The following ATP7B variants were observed in gnomAD, a reference collection of about 807,000 sequenced individuals.
ATP7B encodes copper-transporting ATPase 2.
ATP7B carries 113 observed loss-of-function variants against 118.9 expected under a neutral mutation model. The observed-to-expected ratio is 0.95, with a 90% CI of 0.82 to 1.11. ATP7B has a LOEUF of 1.11. Among genes scored for constraint, ATP7B ranks in the 50% most tolerant of loss-of-function variants. The pLI is 0.00. For synonymous variants in ATP7B, 777 were observed against 727.4 expected, an observed-to-expected ratio of 1.07 and a Z score of -1.10; for missense variants, 1,867 against 1,871.4, an observed-to-expected ratio of 1.00 and a Z score of 0.04.
intron 8 of ATP7B, chr13:51,957,899 C>A: frequency 2.1e-6 from 1 of 483,198 alleles, no homozygotes. Flanking sequence ...AATCTAATTT[C>A]TTTTAGGGCC....
intron 6 of ATP7B, among the ~76,000 whole-genome samples, chr13:51,961,543 A>T (rs1464303258): frequency 6.6e-6 from 1 of 152,208 alleles, no homozygotes; most frequent in Non-Finnish European, 1.5e-5. Context: ...GCTAAATTGA[A>T]ATTCCTTAAA....
At chr13:52,007,481 T>A (rs141412903) in intron 1 of ATP7B, among the ~76,000 whole-genome samples, 1 of 152,248 alleles carries the variant, frequency 6.6e-6, no homozygotes, top group Admixed American at 6.5e-5. Flanking sequence ...GGCTTTCCTA[T>A]TGTTCCCCAA....
intron 20 of ATP7B, among the ~76,000 whole-genome samples, chr13:51,935,342 G>A (rs932566401): frequency 6.6e-6 from 1 of 152,196 alleles, no homozygotes; most frequent in African/African-American, 2.4e-5. Flanking sequence ...ATGTCTGCTT[G>A]ATGTTCACAT....
intron 1 of ATP7B, among the ~76,000 whole-genome samples, chr13:51,998,598 C>G (rs1953333543): frequency 6.6e-6 from 1 of 152,202 alleles, no homozygotes. Flanking sequence ...TTTCCTTGCA[C>G]TAGATTATTC....
chr13:51,995,402 G>C lies in ATP7B; in HGVS notation c.51+15885C>G, dbSNP rs1953155279. On this transcript the variant is annotated intron_variant, in intron 1 of 20. Coordinates refer to ENST00000242839, the MANE Select transcript of ATP7B (RefSeq NM_000053.4). ...CGGTGGAGTGCCTTCCTCCACAGTAGACACTGGCCTGGCTGAATGCCTAAC... is the reference window on the plus strand; with the variant it reads ...CGGTGGAGTGCCTTCCTCCACAGTACACACTGGCCTGGCTGAATGCCTAAC... 3.2e-6 allele frequency: 3 copies of C among 929,612 alleles called. No homozygotes were observed. In the African/African-American group the frequency reaches 5.4e-5, roughly 17 times the overall value. 57.6% of individuals were successfully genotyped at this position (929,612 alleles called of 1,614,324 possible).
At chr13:51,993,226 T>G (rs1367508032) in intron 1 of ATP7B, among the ~76,000 whole-genome samples, 1 of 152,100 alleles carries the variant, frequency 6.6e-6, no homozygotes, top group Non-Finnish European at 1.5e-5. Flanking sequence ...CCATCGTAAA[T>G]TTGTTTTTTA....
chr13:51,935,167 C>T, intron 20 of ATP7B, 138 bp from the exon 21 acceptor site: 1 of 1,248,406 alleles, frequency 8.0e-7, no homozygotes, highest in Non-Finnish European at 1.1e-6. Flanking sequence ...AGGAAAAGGA[C>T]ATTAAACTCC....
intron 9 of ATP7B, among the ~76,000 whole-genome samples, chr13:51,954,738 TGAA>T (rs1463897795): frequency 6.6e-6 from 1 of 151,786 alleles, no homozygotes; most frequent in Non-Finnish European, 1.5e-5. Context: ...TGGGGGAAGG[TGAA>T]GAAGAATACA....
rs548457296 is a variant in ATP7B at position 51,988,962 on chromosome 13, G to A, written c.52-13794C>T. Reference sequence around the variant, plus strand: ...AGGAGAAATACCTAATGTAGATGACGGTTTGATGGGTGCAGCAAACCACCA... The same window carrying A: ...AGGAGAAATACCTAATGTAGATGACAGTTTGATGGGTGCAGCAAACCACCA... On this transcript the variant is annotated intron_variant, in intron 1 of 20. Coordinates refer to ENST00000242839, the MANE Select transcript of ATP7B (RefSeq NM_000053.4). Among the ~76,000 whole-genome samples the A allele has an allele frequency of 5.9e-5, 9 of 151,968 alleles. 1 individual carries two copies. In the East Asian group the frequency reaches 7.7e-4, roughly 13 times the overall value.
rs73498189 is a variant in ATP7B, at chr13:51,981,260, G to A, written c.52-6092C>T. On this transcript the variant is annotated intron_variant, in intron 1 of 20. Coordinates refer to ENST00000242839, the MANE Select transcript of ATP7B (RefSeq NM_000053.4). ...GGAAGAGACTACAATGCAGAAAAGTGAAATGAAAATAAACAGCCATACCTG... is the reference window on the plus strand; with the variant it reads ...GGAAGAGACTACAATGCAGAAAAGTAAAATGAAAATAAACAGCCATACCTG... 2.8e-3 allele frequency among the ~76,000 whole-genome samples: 430 copies of A among 152,256 alleles called. 1 individual carries two copies. The highest frequency in any genetic ancestry group is 9.3e-3 in the African/African-American group (387 of 41,542).
chr13:51,999,576 A>T (rs1303268615), intron 1 of ATP7B, among the ~76,000 whole-genome samples: 1 of 152,242 alleles, frequency 6.6e-6, no homozygotes, highest in Non-Finnish European at 1.5e-5. Context: ...AGTAAAAGCC[A>T]ATGTTTCCAT....
Position 51,935,099 on chromosome 13 carries a change from T to C in ATP7B, c.4125-70A>G, listed in dbSNP as rs74085865. 1,026 of 1,571,066 alleles carry C rather than the reference T, an allele frequency of 6.5e-4. 5 individuals are homozygous for C. In the African/African-American group the frequency reaches 0.012, roughly 19 times the overall value. The stretch of plus-strand genomic sequence containing the variant: ...AGGCTTTTTTTTTTTCTAAGCCTGG[T>C]GAAGGCCTCTCATCCATCTTTTAAT... On this transcript the variant is annotated intron_variant, in intron 20 of 20. Transcript: ENST00000242839.
intron 1 of ATP7B, among the ~76,000 whole-genome samples, chr13:51,986,691 G>A (rs1026451712): frequency 2.6e-5 from 4 of 152,278 alleles, no homozygotes; most frequent in African/African-American, 9.6e-5. Context: ...ACCGAATCCA[G>A]CAGCACATCA....
At chr13:51,942,319 G>C (rs1037713645) in intron 15 of ATP7B, 67 bp downstream of exon 15, 9 of 1,604,960 alleles carry the variant, frequency 5.6e-6, no homozygotes, top group African/African-American at 1.3e-5. Context: ...ACTGCTGGGC[G>C]TGGTGCTCTC....
intron 1 of ATP7B, among the ~76,000 whole-genome samples, chr13:51,998,012 T>C (rs933843990): frequency 1.3e-5 from 2 of 152,144 alleles, no homozygotes; most frequent in African/African-American, 2.4e-5. Flanking sequence ...TCCAAACTCC[T>C]CTTTCTAGCA....
chr13:51,953,690 T>G (rs1958150701), intron 9 of ATP7B, among the ~76,000 whole-genome samples: 1 of 152,056 alleles, frequency 6.6e-6, no homozygotes, highest in Admixed American at 6.5e-5. Context: ...TTCATAGCAC[T>G]TCATCTTTAA....
chr13:51,962,519 G>T (rs1357716365), intron 5 of ATP7B, among the ~76,000 whole-genome samples: 1 of 152,202 alleles, frequency 6.6e-6, no homozygotes, highest in Non-Finnish European at 1.5e-5. Context: ...TGCCACGAAT[G>T]CTCTTGTCTG....
At chr13:51,954,054 A>G (rs1389497002) in intron 9 of ATP7B, among the ~76,000 whole-genome samples, 4 of 152,152 alleles carry the variant, frequency 2.6e-5, no homozygotes, top group African/African-American at 9.7e-5. Context: ...TTCTGAGAGC[A>G]CTGAGGAGCC....
At chr13:51,970,462 C>T (rs1951783693) in intron 3 of ATP7B, 30 bp downstream of exon 3, 3 of 1,614,036 alleles carry the variant, frequency 1.9e-6, no homozygotes, top group Non-Finnish European at 2.5e-6. Context: ...CGCAGCATTC[C>T]TAAGTTCAAC....
Sources: gnomAD v4.1 joint callset for allele counts (sites outside exome capture counted in the v4.1 genomes callset) on GRCh38, gnomAD v4.1.1 for gene constraint, MANE v1.5 for transcripts, NCBI Gene and HGNC (gene_info 2026-07-23, HGNC 2026-07-21) for gene names.